The following C9orf43 variants were observed in gnomAD, a reference collection of about 807,000 sequenced individuals.
C9orf43 encodes the protein uncharacterized protein C9orf43.
A neutral mutation model predicts 59.1 loss-of-function variants in C9orf43; 45 were observed. The ratio of observed to expected loss-of-function variants is 0.76; its 90% CI spans 0.60 to 0.98. The LOEUF is 0.98. Among genes scored for constraint, C9orf43 ranks in the 50% least tolerant of loss-of-function variants. The pLI, the probability that C9orf43 is intolerant of heterozygous loss-of-function variation, is 0.00. For synonymous variants in C9orf43, 203 were observed against 196.8 expected (o/e 1.03, Z -0.26); for missense variants, 533 against 554.9 (o/e 0.96, Z 0.40).
intron 7 of C9orf43, 103 bp from the exon 8 acceptor site, chr9:113,424,063 C>A: frequency 2.1e-6 from 3 of 1,400,748 alleles, no homozygotes; most frequent in Non-Finnish European, 2.9e-6. Context: ...CTTTTCAGAC[C>A]CAAAGTGGAA....
chr9:113,414,003 C>T, intron 3 of C9orf43, 109 bp downstream of exon 3: 3 of 1,231,760 alleles, frequency 2.4e-6, no homozygotes, highest in Non-Finnish European at 3.3e-6. Flanking sequence ...AAAGAAAATA[C>T]CAATTGGGTT....
intron 3 of C9orf43, among the ~76,000 whole-genome samples, chr9:113,415,357 C>T (rs956847669): frequency 4.3e-4 from 66 of 152,158 alleles, no homozygotes; most frequent in Admixed American, 3.8e-3. Flanking sequence ...TTTGCCCAGG[C>T]TGGTCTTGAA....
At chr9:113,419,687 CAAA>C (rs1828496651) in intron 4 of C9orf43, among the ~76,000 whole-genome samples, 1 of 152,132 alleles carries the variant, frequency 6.6e-6, no homozygotes, top group African/African-American at 2.4e-5. Context: ...GTCTGTGATT[CAAA>C]AAATTTGATT....
chr9:113,423,527 C>T (rs370253929), intron 7 of C9orf43, 29 bp downstream of exon 7: 182 of 1,595,420 alleles, frequency 1.1e-4, no homozygotes, highest in Middle Eastern at 5.0e-4. Flanking sequence ...TGTGGGAGAG[C>T]CAGAGCACCT....
chr9:113,422,174 T>C (rs1206507982), intron 5 of C9orf43, among the ~76,000 whole-genome samples: 3 of 152,208 alleles, frequency 2.0e-5, no homozygotes, highest in Non-Finnish European at 2.9e-5. Context: ...CCAAATAGAT[T>C]TGGTCCCTGT....
intron 3 of C9orf43, among the ~76,000 whole-genome samples, chr9:113,417,352 C>G (rs1828403296): frequency 6.6e-6 from 1 of 152,158 alleles, no homozygotes; most frequent in Non-Finnish European, 1.5e-5. Flanking sequence ...TCCTGTTTGT[C>G]CAACTGGATT....
At chr9:113,423,640 C>T in intron 7 of C9orf43, 142 bp downstream of exon 7, 1 of 743,420 alleles carries the variant, frequency 1.3e-6, no homozygotes, top group South Asian at 2.1e-5. Context: ...TTGGACTTAC[C>T]AACAGGCAGG....
At chr9:113,421,316 G>GC (rs1828562609) in intron 5 of C9orf43, 113 bp downstream of exon 5, 1 of 728,264 alleles carries the variant, frequency 1.4e-6, no homozygotes, top group Admixed American at 2.2e-5. Flanking sequence ...GTAGCAGGAG[G>GC]CCAAGCAGAG....
At chr9:113,418,253 T>C (rs1173176750) in intron 3 of C9orf43, among the ~76,000 whole-genome samples, 3 of 152,210 alleles carry the variant, frequency 2.0e-5, no homozygotes, top group Non-Finnish European at 4.4e-5. Flanking sequence ...CCTGGTAATA[T>C]CTATTCTATT....
chr9:113,427,006 GAGC>G (rs1237432000), intron 11 of C9orf43, among the ~76,000 whole-genome samples: 2 of 152,176 alleles, frequency 1.3e-5, no homozygotes, highest in East Asian at 3.9e-4. Flanking sequence ...AGGAAACACT[GAGC>G]AGTTGAGTGT....
At chr9:113,420,822 C>T (rs558369641) in intron 4 of C9orf43, 1 of 981,102 alleles carries the variant, frequency 1.0e-6, no homozygotes, top group Admixed American at 6.2e-5. Context: ...AGCCCCAGGG[C>T]ACCCTCATAT....
chr9:113,413,432 G>C lies in C9orf43; in HGVS notation c.-49-13G>C. 1 of 1,566,274 alleles carries C rather than the reference G, an allele frequency of 6.4e-7. No individual in the cohort carries two copies. The highest frequency in any genetic ancestry group is 8.7e-7 in the Non-Finnish European group (1 of 1,150,944). On this transcript the variant is annotated splice_polypyrimidine_tract_variant and intron_variant, in intron 1 of 13. Coordinates refer to ENST00000374165, the MANE Select transcript of C9orf43 (RefSeq NM_001278629.2). ...TATAATACTCCCTAATTATGTAGCT[G>C]TTGATTTTCCAGAGCACTAGAATGC...
In C9orf43 at chr9:113,410,915, T is replaced by G. The variant is rs540848586; in HGVS notation, c.-136T>G. The G allele has an allele frequency of 8.8e-5, 87 of 985,602 alleles. 1 individual carries two copies. The highest frequency in any genetic ancestry group is 7.4e-4 in the South Asian group (16 of 21,638). 61.1% of individuals were successfully genotyped at this position (985,602 alleles called of 1,614,324 possible). On this transcript the variant is annotated 5_prime_UTR_variant, in exon 1 of 14. Coordinates refer to ENST00000374165, the MANE Select transcript of C9orf43 (RefSeq NM_001278629.2). ...TTCTCCCACTTTCTTTTTTCTTTCC[T>G]GGAATGGAGTGGGCAGTCTTTTTCC... is the stretch of plus-strand genomic sequence containing the variant.
chr9:113,414,764 T>C (rs1433281914), intron 3 of C9orf43, among the ~76,000 whole-genome samples: 1 of 145,778 alleles, frequency 6.9e-6, no homozygotes, highest in Non-Finnish European at 1.5e-5. Context: ...GTTGGGACTT[T>C]AACGATGAAT....
intron 1 of C9orf43, 120 bp downstream of exon 1, chr9:113,411,121 T>G: frequency 1.0e-6 from 1 of 985,232 alleles, no homozygotes; most frequent in Non-Finnish European, 1.2e-6. Context: ...GTCTCAGGAG[T>G]CAATTCGGAC....
chr9:113,427,158 T>C (rs1242334026), intron 11 of C9orf43, among the ~76,000 whole-genome samples: 2 of 152,106 alleles, frequency 1.3e-5, no homozygotes, highest in South Asian at 2.1e-4. Flanking sequence ...CTAAGACCAA[T>C]TGTGAAGCTT....
In C9orf43 at chr9:113,423,485, G is replaced by A; in HGVS notation, c.643G>A (p.Asp215Asn). ...LWAQSEALPQ[D>N]LLKELLPGGK... ...GGCTCAATCCGAAGCGTTACCTCAG[G>A]ATCTACTGAAGGAGTAAGTATCATG... The change falls in exon 7 of 14, where the codon GAT (aspartate) becomes AAT (asparagine). Residue 215 changes from aspartate to asparagine, a missense_variant. Transcript: ENST00000374165. The A allele has an allele frequency of 1.2e-6, 2 of 1,613,434 alleles. No homozygotes were observed. Among genetic ancestry groups the A allele is most frequent in the African/African-American group, 1.3e-5 (1 of 74,998 alleles).
intron 13 of C9orf43, 58 bp from the exon 14 acceptor site, chr9:113,429,114 C>A: frequency 6.4e-7 from 1 of 1,565,088 alleles, no homozygotes; most frequent in South Asian, 1.1e-5. Context: ...TTCTGTCCTC[C>A]ATTTGTTGTA....
At chr9:113,413,251 C>G (rs1828238724) in intron 1 of C9orf43, among the ~76,000 whole-genome samples, 194 bp from the exon 2 acceptor site, 1 of 152,236 alleles carries the variant, frequency 6.6e-6, no homozygotes, top group African/African-American at 2.4e-5. Flanking sequence ...AAGTCCTGCT[C>G]TCAAACTCTT....
Sources: gnomAD v4.1 joint callset for allele counts (sites outside exome capture counted in the v4.1 genomes callset) on GRCh38, gnomAD v4.1.1 for gene constraint, MANE v1.5 for transcripts, NCBI Gene and HGNC (gene_info 2026-07-23, HGNC 2026-07-21) for gene names.